The following OTOP2 variants were observed in gnomAD, a reference collection of about 807,000 sequenced individuals.
The protein encoded by OTOP2 is otopetrin 2, also known as proton channel OTOP2.
In OTOP2, 41 loss-of-function variants were observed where a neutral mutation model predicts 47.4. The ratio of observed to expected loss-of-function variants is 0.87; its 90% CI spans 0.67 to 1.12. The LOEUF (loss-of-function observed/expected upper bound fraction) is 1.12, where lower values mean the gene tolerates loss of function less well. Ranked by LOEUF, OTOP2 falls within the 50% of genes most tolerant of loss-of-function variation. OTOP2 has a pLI of 0.00. For synonymous variants in OTOP2, 328 were observed against 319.6 expected, an observed-to-expected ratio of 1.03 and a Z score of -0.28; for missense variants, 721 against 752.2, an observed-to-expected ratio of 0.96 and a Z score of 0.49.
At chr17:74,926,530 G>A (rs2039009788) in intron 3 of OTOP2, among the ~76,000 whole-genome samples, 1 of 151,316 alleles carries the variant, frequency 6.6e-6, no homozygotes, top group Non-Finnish European at 1.5e-5. Flanking sequence ...TCCACCCTGA[G>A]CAAGACCTAA....
intron 6 of OTOP2, among the ~76,000 whole-genome samples, chr17:74,932,786 C>A (rs1416821085): frequency 6.6e-6 from 1 of 152,154 alleles, no homozygotes; most frequent in Non-Finnish European, 1.5e-5. Context: ...AGCCTAGAAA[C>A]CTTTGTTCTT....
In OTOP2 at chr17:74,933,523, T is replaced by C. The variant is rs201440902; in HGVS notation, c.1667T>C (p.Leu556Pro). ...CGCATGCACGCTGTGTCCAGCCTGCTGGAGGTCTACGTGCTGTCCTGAGGC... is the reference window on the plus strand; with the variant it reads ...CGCATGCACGCTGTGTCCAGCCTGCCGGAGGTCTACGTGCTGTCCTGAGGC... ...FYRMHAVSSLLEVYVLS is the reference protein window; with the variant it reads ...FYRMHAVSSLPEVYVLS The change falls in exon 7 of 7, where the codon CTG becomes CCG. Residue 556 changes from leucine to proline, a missense_variant. Leu to Pro is a moderately conservative substitution (Grantham distance 98, BLOSUM62 -3). Coordinates refer to ENST00000331427, the MANE Select transcript of OTOP2 (RefSeq NM_178160.3). The surrounding 1 kb of genome is among the most constrained non-coding windows in gnomAD (Gnocchi z 4.7). The C allele has an allele frequency of 6.2e-7, 1 of 1,612,960 alleles. No homozygotes were observed.
Position 74,930,264 on chromosome 17 carries a change from C to T in OTOP2, c.644-15C>T. On this transcript the variant is annotated splice_polypyrimidine_tract_variant and intron_variant, in intron 5 of 6. Transcript: ENST00000331427. The surrounding 1 kb of genome is among the most constrained non-coding windows in gnomAD (Gnocchi z 4.0). ...GCAGGAGGGCTGTCCAGCCCTGTGT[C>T]TCTCTCCACAACAGAGCATGCAGAC... The T allele has an allele frequency of 6.2e-7, 1 of 1,600,516 alleles. No homozygotes were observed. Among genetic ancestry groups the T allele is most frequent in the Non-Finnish European group, 8.6e-7 (1 of 1,169,584 alleles).
intron 5 of OTOP2, among the ~76,000 whole-genome samples, chr17:74,928,397 A>T (rs2039028724): frequency 1.3e-5 from 2 of 152,154 alleles, no homozygotes; most frequent in Non-Finnish European, 2.9e-5. Context: ...AAAGGGCAAG[A>T]GTGATCAAGC....
At chr17:74,931,892 G>T (rs1415330546) in intron 6 of OTOP2, among the ~76,000 whole-genome samples, 5 of 149,234 alleles carry the variant, frequency 3.4e-5, no homozygotes, top group African/African-American at 1.3e-4. Flanking sequence ...GGAGGCGGAG[G>T]TTGCAGTGAG....
chr17:74,933,367 C>A lies in OTOP2; in HGVS notation c.1519-8C>A. 1 of 1,597,556 alleles carries A rather than the reference C, an allele frequency of 6.3e-7. No homozygotes were observed. Among genetic ancestry groups the A allele is most frequent in the Non-Finnish European group, 8.6e-7 (1 of 1,167,256 alleles). On this transcript the variant is annotated splice_polypyrimidine_tract_variant and splice_region_variant and intron_variant, in intron 6 of 6. Transcript: ENST00000331427. This position sits in a 1 kb window ranked among gnomAD's most constrained non-coding sequence, Gnocchi z 4.7. Reference sequence around the variant, plus strand: ...GCCAGCTCCTGAAATGCTCCTCTCTCCACACAGCTGTGGATCATGCCTGCC... The same window carrying A: ...GCCAGCTCCTGAAATGCTCCTCTCTACACACAGCTGTGGATCATGCCTGCC...
chr17:74,925,245 T>C (rs768922531), intron 2 of OTOP2, among the ~76,000 whole-genome samples: 1 of 152,024 alleles, frequency 6.6e-6, no homozygotes, highest in African/African-American at 2.4e-5. Flanking sequence ...TGGCAGCCAC[T>C]GAAAGAGCTC....
At chr17:74,932,152 T>A (rs551115296) in intron 6 of OTOP2, among the ~76,000 whole-genome samples, 3 of 152,144 alleles carry the variant, frequency 2.0e-5, no homozygotes, top group Non-Finnish European at 2.9e-5. Flanking sequence ...CATGTACCTA[T>A]GTGGGTACAT....
chr17:74,925,531 C>G, intron 2 of OTOP2, 25 bp from the exon 3 acceptor site: 1 of 1,610,992 alleles, frequency 6.2e-7, no homozygotes, highest in Non-Finnish European at 8.5e-7. Context: ...TCCACCACCA[C>G]CACCCACCCA....
In OTOP2 at chr17:74,924,669, C is replaced by G. The variant is rs773415911; in HGVS notation, c.37C>G (p.Pro13Ala). 1.3e-6 allele frequency: 2 copies of G among 1,592,620 alleles called. No homozygotes were observed. The highest frequency in any genetic ancestry group is 2.7e-5 in the African/African-American group (2 of 74,874). Residue 13 changes from proline to alanine, a missense_variant, in exon 2 of 7, where the codon CCC (proline) becomes GCC (alanine). Pro to Ala is a conservative substitution (Grantham distance 27). Coordinates refer to ENST00000331427, the MANE Select transcript of OTOP2 (RefSeq NM_178160.3). The surrounding 1 kb of genome is among the most constrained non-coding windows in gnomAD (Gnocchi z 7.7). ...GCTGGCCCAGGGCCCCAAGGAGAGC[C>G]CCCCGGCGCCGCGTGCGGGCCCCAG... ...EELAQGPKES[P>A]PAPRAGPREV...
rs1202589790 is a variant in OTOP2 at position 74,930,747 on chromosome 17, T to C, written c.1112T>C (p.Leu371Pro). Residue 371 changes from leucine to proline, a missense_variant, in exon 6 of 7, where the codon CTG (leucine) becomes CCG (proline). Leu to Pro is a moderately conservative substitution (Grantham distance 98). Coordinates refer to ENST00000331427, the MANE Select transcript of OTOP2 (RefSeq NM_178160.3). This position sits in a 1 kb window ranked among gnomAD's most constrained non-coding sequence, Gnocchi z 4.0. ...KNPTRTLDVA[L>P]LMGAALGQYA... Reference sequence around the variant, plus strand: ...CCCACGCGCACTCTGGACGTGGCCCTGCTGATGGGTGCCGCCCTGGGTCAG... The same window carrying C: ...CCCACGCGCACTCTGGACGTGGCCCCGCTGATGGGTGCCGCCCTGGGTCAG... The C allele has an allele frequency of 6.2e-7, 1 of 1,614,090 alleles. No individual in the cohort carries two copies. Among genetic ancestry groups the C allele is most frequent in the Non-Finnish European group, 8.5e-7 (1 of 1,180,024 alleles).
intron 4 of OTOP2, 108 bp from the exon 5 acceptor site, chr17:74,927,557 A>T: frequency 6.9e-7 from 1 of 1,447,426 alleles, no homozygotes; most frequent in African/African-American, 1.4e-5. Flanking sequence ...TTCCCTGTTC[A>T]CACAGGGCCT....
At position 74,930,133 on chromosome 17, in the gene OTOP2, A is replaced by G; in HGVS notation, c.644-146A>G. 2 of 885,542 alleles carry G rather than the reference A, an allele frequency of 2.3e-6. No individual in the cohort carries two copies. Among genetic ancestry groups the G allele is most frequent in the Non-Finnish European group, 1.7e-6 (1 of 605,044 alleles). The allele number at this position is 885,542 out of a possible 1,614,324, so 54.9% of individuals were successfully genotyped here. On this transcript the variant is annotated intron_variant, in intron 5 of 6. Transcript: ENST00000331427. The surrounding 1 kb of genome is among the most constrained non-coding windows in gnomAD (Gnocchi z 4.0). ...GGGAGGTGAAGCTTGCAGTGAGCCA[A>G]GATCACACCATTGCACTCCAGCCTG...
chr17:74,928,822 C>A (rs140180723), intron 5 of OTOP2, among the ~76,000 whole-genome samples: 1 of 152,216 alleles, frequency 6.6e-6, no homozygotes, highest in South Asian at 2.1e-4. Context: ...AAGACATGCA[C>A]GCTCCTAGCA....
At position 74,930,500 on chromosome 17, in the gene OTOP2, T is replaced by C. The variant is rs769009014; in HGVS notation, c.865T>C (p.Phe289Leu). The change falls in exon 6 of 7, where the codon TTT (phenylalanine) becomes CTT (leucine). Residue 289 changes from phenylalanine to leucine, a missense_variant. By Grantham distance (22) the Phe-to-Leu change is conservative. Transcript: ENST00000331427. This position sits in a 1 kb window ranked among gnomAD's most constrained non-coding sequence, Gnocchi z 4.0. ...PTPVSLFRET[F>L]FAGPVLGLLL... ...CCCTGTCAGCCTCTTCCGGGAGACC[T>C]TTTTTGCTGGCCCGGTTCTGGGCCT... 11 of 1,612,126 alleles carry C rather than the reference T, an allele frequency of 6.8e-6. No homozygotes were observed. Among genetic ancestry groups the C allele is most frequent in the Non-Finnish European group, 9.3e-6 (11 of 1,178,514 alleles).
intron 5 of OTOP2, 190 bp downstream of exon 5, chr17:74,927,988 G>A: frequency 1.3e-6 from 1 of 762,292 alleles, no homozygotes; most frequent in Non-Finnish European, 2.0e-6. Context: ...AAGTATCAGG[G>A]GTACCCTTTT....
chr17:74,930,240 C>A lies in OTOP2; in HGVS notation c.644-39C>A. 1 of 1,579,230 alleles carries A rather than the reference C, an allele frequency of 6.3e-7. No homozygotes were observed. The highest frequency in any genetic ancestry group is 8.6e-7 in the Non-Finnish European group (1 of 1,157,352). ...TAGGGGTGAGACCTCTCTAGGAAGG[C>A]AGGAGGGCTGTCCAGCCCTGTGTCT... On this transcript the variant is annotated intron_variant, in intron 5 of 6. Coordinates refer to ENST00000331427, the MANE Select transcript of OTOP2 (RefSeq NM_178160.3). The surrounding 1 kb of genome is among the most constrained non-coding windows in gnomAD (Gnocchi z 4.0).
rs1038620600 is a variant in OTOP2 at position 74,925,690 on chromosome 17, C to G, written c.448C>G (p.Gln150Glu). 29 of 1,613,970 alleles carry G rather than the reference C, an allele frequency of 1.8e-5. No individual in the cohort carries two copies. The highest frequency in any genetic ancestry group is 2.7e-5 in the African/African-American group (2 of 74,928). The change falls in exon 3 of 7, where the codon CAG (glutamine) becomes GAG (glutamate). Residue 150 changes from glutamine (Q) to glutamate (E), a missense_variant and splice_region_variant. By Grantham distance (29) the Gln-to-Glu change is conservative. Coordinates refer to ENST00000331427, the MANE Select transcript of OTOP2 (RefSeq NM_178160.3). ...PLIQAVFVIIQTYFLWVSAKD... is the reference protein window; with the variant it reads ...PLIQAVFVIIETYFLWVSAKD... ...CATCCAGGCTGTGTTTGTCATCATC[C>G]AGGTGGGTGGAGGAGTGTCGCTGTG...
At chr17:74,926,551 G>A (rs1229499028) in intron 3 of OTOP2, among the ~76,000 whole-genome samples, 1 of 150,686 alleles carries the variant, frequency 6.6e-6, no homozygotes, top group Non-Finnish European at 1.5e-5. Context: ...CCTGAGGCTG[G>A]CCTTGCTCCC....
Sources: allele counts gnomAD v4.1 joint callset (sites outside exome capture counted in the v4.1 genomes callset), GRCh38; gene constraint gnomAD v4.1.1; non-coding constraint Gnocchi (gnomAD v3.1); transcripts MANE v1.5; gene names NCBI Gene and HGNC (gene_info 2026-07-23, HGNC 2026-07-21).